NIN: variants seen among roughly 807,000 people sequenced by gnomAD.
NIN encodes ninein, also known as glycogen synthase kinase 3 beta-interacting protein.
NIN carries 137 observed loss-of-function variants against 257.6 expected under a neutral mutation model. That is an observed-to-expected ratio of 0.53 (90% CI 0.46 to 0.61). The LOEUF (loss-of-function observed/expected upper bound fraction) is 0.61. Among genes scored for constraint, NIN ranks in the 20% least tolerant of loss-of-function variants. The pLI is 0.00. For synonymous variants in NIN, 918 were observed against 919.8 expected, an observed-to-expected ratio of 1.00 and a Z score of 0.04; for missense variants, 2,439 against 2,501.2, an observed-to-expected ratio of 0.98 and a Z score of 0.53.
At chr14:50,760,425 G>A in intron 16 of NIN, 66 bp from the exon 17 acceptor site, 1 of 1,055,620 alleles carries the variant, frequency 9.5e-7, no homozygotes. Flanking sequence ...TGAAGTGATG[G>A]AGCAGCAATT....
chr14:50,739,327 A>G lies in NIN; in HGVS notation c.5609T>C (p.Leu1870Pro). The G allele has an allele frequency of 6.2e-7, 1 of 1,614,142 alleles. No homozygotes were observed. Among genetic ancestry groups the G allele is most frequent in the Non-Finnish European group, 8.5e-7 (1 of 1,180,020 alleles). ...QTMVQNTKAE[L>P]THSREKVRQL... ...AATTACCTTCTCCCGGGAGTGCGTG[A>G]GTTCGGCTTTGGTGTTCTGTACCAT... The change falls in exon 26 of 31, where the codon CTC becomes CCC. Residue 1870 changes from leucine to proline, a missense_variant. Leu to Pro is a moderately conservative substitution (Grantham distance 98). Coordinates refer to ENST00000530997, the MANE Select transcript of NIN (RefSeq NM_020921.4).
At chr14:50,760,477 A>G in intron 16 of NIN, 118 bp from the exon 17 acceptor site, 1 of 1,012,696 alleles carries the variant, frequency 9.9e-7, no homozygotes, top group East Asian at 2.5e-5. Flanking sequence ...GACATTTCTC[A>G]TTTCTCTATC....
intron 4 of NIN, among the ~76,000 whole-genome samples, chr14:50,793,946 C>A (rs1390044262): frequency 6.6e-6 from 1 of 152,166 alleles, no homozygotes; most frequent in Non-Finnish European, 1.5e-5. Flanking sequence ...TATTCATACT[C>A]TCTCGAGAAC....
At chr14:50,815,395 T>C (rs1290647567) in intron 3 of NIN, among the ~76,000 whole-genome samples, 1 of 152,158 alleles carries the variant, frequency 6.6e-6, no homozygotes, top group Non-Finnish European at 1.5e-5. Flanking sequence ...AAACAACAGA[T>C]GCTGGTGAGG....
intron 3 of NIN, 58 bp from the exon 4 acceptor site, chr14:50,806,876 T>G: frequency 2.4e-6 from 2 of 817,098 alleles, no homozygotes; most frequent in Non-Finnish European, 3.9e-6. Context: ...AATGCAAACC[T>G]ATCTACAAGG....
chr14:50,734,447 G>A (rs1407765485), intron 28 of NIN, among the ~76,000 whole-genome samples: 1 of 152,016 alleles, frequency 6.6e-6, no homozygotes, highest in Admixed American at 6.5e-5. Context: ...TACTTTTTAA[G>A]AGCACAAAAA....
chr14:50,818,597 C>T (rs1159175778), intron 3 of NIN, among the ~76,000 whole-genome samples: 1 of 152,060 alleles, frequency 6.6e-6, no homozygotes, highest in Non-Finnish European at 1.5e-5. Context: ...TGTGATGAGG[C>T]CTCATCTAGC....
intron 2 of NIN, among the ~76,000 whole-genome samples, chr14:50,827,564 G>A (rs1194544362): frequency 1.4e-5 from 2 of 146,076 alleles, no homozygotes; most frequent in African/African-American, 2.6e-5. Flanking sequence ...TGGCTAACAC[G>A]TTGAAACCCT....
chr14:50,772,632 G>C (rs2042781268), intron 8 of NIN, among the ~76,000 whole-genome samples, 164 bp from the exon 9 acceptor site: 1 of 152,206 alleles, frequency 6.6e-6, no homozygotes. Flanking sequence ...ACTGAGTCAA[G>C]CCTACGGAGC....
At chr14:50,739,004 T>A (rs2041141194) in intron 26 of NIN, among the ~76,000 whole-genome samples, 1 of 152,192 alleles carries the variant, frequency 6.6e-6, no homozygotes, top group Non-Finnish European at 1.5e-5. Context: ...GTACTACTAG[T>A]CTTGGTGGCC....
At position 50,741,640 on chromosome 14, in the gene NIN, T is replaced by A; in HGVS notation, c.5390A>T (p.Glu1797Val). ...SDLRVTQQEK[E>V]ALKQEVMSLH... ...AGACATCACTTCTTGTTTTAAAGCC[T>A]CCTTTTCCTGCTGAGTCACTCGTAG... The change falls in exon 25 of 31, where the codon GAG (glutamate) becomes GTG (valine). Residue 1797 changes from glutamate (E) to valine (V), a missense_variant. This residue lies in a region of NIN where 2,043 missense variants were observed against 2,050.2 expected (regional missense o/e 1.00). Coordinates refer to ENST00000530997, the MANE Select transcript of NIN (RefSeq NM_020921.4). 1 of 1,614,158 alleles carries A rather than the reference T, an allele frequency of 6.2e-7. No homozygotes were observed. Among genetic ancestry groups the A allele is most frequent in the Non-Finnish European group, 8.5e-7 (1 of 1,180,004 alleles).
At chr14:50,816,152 C>A (rs1036124049) in intron 3 of NIN, among the ~76,000 whole-genome samples, 1 of 151,316 alleles carries the variant, frequency 6.6e-6, no homozygotes, top group African/African-American at 2.4e-5. Context: ...ACAATGAAAA[C>A]ACATGGACTA....
intron 6 of NIN, among the ~76,000 whole-genome samples, chr14:50,777,525 A>G (rs1429650434): frequency 6.6e-6 from 1 of 152,252 alleles, no homozygotes; most frequent in East Asian, 1.9e-4. Context: ...TATAGCTACC[A>G]GAATGTATTA....
chr14:50,825,022 C>T (rs1383179789), intron 2 of NIN, among the ~76,000 whole-genome samples: 1 of 152,248 alleles, frequency 6.6e-6, no homozygotes, highest in Non-Finnish European at 1.5e-5. Context: ...AGAATCTATA[C>T]TAAAACCTTT....
chr14:50,814,241 T>C (rs1208818717), intron 3 of NIN, among the ~76,000 whole-genome samples: 1 of 152,236 alleles, frequency 6.6e-6, no homozygotes, highest in Non-Finnish European at 1.5e-5. Flanking sequence ...TGTTTACAGA[T>C]GGAAATGAAT....
rs146500890 is a variant in NIN at position 50,749,139 on chromosome 14, G to A, written c.4951-1034C>T. On this transcript the variant is annotated intron_variant, in intron 21 of 30. Transcript: ENST00000530997. ...TATAGACCAATGGAACAGAACAGAG[G>A]CCTCAGAAATAACACTACACATCTG... is the stretch of plus-strand genomic sequence containing the variant. Among the ~76,000 whole-genome samples the A allele has an allele frequency of 3.5e-3, 531 of 151,852 alleles. 1 individual carries two copies. The highest frequency in any genetic ancestry group is 6.1e-3 in the Non-Finnish European group (411 of 67,884).
At chr14:50,754,411 GA>G in intron 20 of NIN, 151 bp downstream of exon 20, 1 of 638,018 alleles carries the variant, frequency 1.6e-6, no homozygotes, top group Non-Finnish European at 2.7e-6. Context: ...GAGTCAGTAT[GA>G]GGTAAGTTTC....
chr14:50,756,479 GTACA>G lies in NIN; in HGVS notation c.4538+9_4538+12del, dbSNP rs1263767944. The G allele has an allele frequency of 6.3e-7, 1 of 1,578,336 alleles. No individual in the cohort carries two copies. The highest frequency in any genetic ancestry group is 8.6e-7 in the Non-Finnish European group (1 of 1,165,300). On this transcript the variant is annotated intron_variant, in intron 18 of 30. Transcript: ENST00000530997. ...CTGTGGGATTCGTGACGTCTAGAAG[GTACA>G]TACATTACCTCAGAAGTTCAACTTT...
In NIN at chr14:50,729,653, T is replaced by C; in HGVS notation, c.5948A>G (p.Gln1983Arg). 2 of 1,613,932 alleles carry C rather than the reference T, an allele frequency of 1.2e-6. No homozygotes were observed. The highest frequency in any genetic ancestry group is 1.7e-6 in the Non-Finnish European group (2 of 1,179,948). The change falls in exon 29 of 31, where the codon CAG (glutamine) becomes CGG (arginine). Residue 1983 changes from glutamine (Q) to arginine (R), a missense_variant. By Grantham distance (43) the Gln-to-Arg change is conservative (BLOSUM62 1). This residue lies in a region of NIN where 2,043 missense variants were observed against 2,050.2 expected (regional missense o/e 1.00). Transcript: ENST00000530997. Reference protein sequence around the residue: ...PHAWDLQLLQQQACPMVPREQ... With the variant: ...PHAWDLQLLQRQACPMVPREQ... ...CCTGGGCACCATCGGACAGGCTTGC[T>C]GCTGGAGCAGCTGCAAATCCCAAGC...
Sources: gnomAD v4.1 joint callset for allele counts (sites outside exome capture counted in the v4.1 genomes callset) on GRCh38, gnomAD v4.1.1 for gene constraint, gnomAD v4.1.1 regional missense constraint, MANE v1.5 for transcripts, NCBI Gene and HGNC (gene_info 2026-07-23, HGNC 2026-07-21) for gene names.